SPEF2: variants seen among roughly 807,000 people sequenced by gnomAD.
SPEF2 encodes the protein sperm flagella and cilia-associated protein 2.
SPEF2 carries 187 observed loss-of-function variants against 224.6 expected under a neutral mutation model. The observed-to-expected ratio is 0.83, with a 90% CI of 0.74 to 0.94. The LOEUF (loss-of-function observed/expected upper bound fraction) is 0.94, where lower values mean the gene tolerates loss of function less well. SPEF2 is among the 40% of genes least tolerant of loss of function. The pLI, the probability that SPEF2 is intolerant of heterozygous loss-of-function variation, is 0.00. For missense variants in SPEF2, 2,170 were observed against 2,135.6 expected (o/e 1.02, Z -0.32); for synonymous variants, 715 against 707.3 (o/e 1.01, Z -0.17).
At chr5:35,742,364 C>T (rs1747784270) in intron 23 of SPEF2, among the ~76,000 whole-genome samples, 1 of 151,924 alleles carries the variant, frequency 6.6e-6, no homozygotes, top group Admixed American at 6.6e-5. Context: ...TAAGATTATG[C>T]TTATTTTTAA....
intron 34 of SPEF2, 140 bp from the exon 35 acceptor site, chr5:35,806,567 C>A: frequency 9.4e-7 from 1 of 1,064,686 alleles, no homozygotes; most frequent in Non-Finnish European, 1.3e-6. Flanking sequence ...GTGTATTCTC[C>A]TCTAGACTGG....
chr5:35,669,499 C>T (rs753094119), intron 9 of SPEF2, among the ~76,000 whole-genome samples: 18 of 152,000 alleles, frequency 1.2e-4, no homozygotes, highest in Non-Finnish European at 2.2e-4. Context: ...TTTATGTACG[C>T]AATTATTTTT....
At chr5:35,668,371 T>A (rs1750807506) in intron 9 of SPEF2, among the ~76,000 whole-genome samples, 1 of 152,190 alleles carries the variant, frequency 6.6e-6, no homozygotes, top group Admixed American at 6.6e-5. Context: ...AATCTCCAGA[T>A]ACTTAGGCTG....
chr5:35,764,771 C>G (rs772491669), intron 26 of SPEF2: 2 of 455,052 alleles, frequency 4.4e-6, no homozygotes, highest in Non-Finnish European at 8.8e-6. Context: ...TTTCTCTGAC[C>G]TTCTCATACA....
chr5:35,621,833 A>C (rs1237102435), intron 1 of SPEF2, among the ~76,000 whole-genome samples: 4 of 152,172 alleles, frequency 2.6e-5, no homozygotes, highest in Admixed American at 1.3e-4. Context: ...ACTTTTTCTG[A>C]TCTAGAGGTG....
chr5:35,739,894 G>C, intron 21 of SPEF2, 25 bp from the exon 22 acceptor site: 3 of 1,611,126 alleles, frequency 1.9e-6, no homozygotes, highest in East Asian at 2.2e-5. Context: ...TGAAGTAACA[G>C]TTTCTACACT....
chr5:35,638,307 A>G (rs1055497632), intron 2 of SPEF2, among the ~76,000 whole-genome samples: 2 of 151,834 alleles, frequency 1.3e-5, no homozygotes, highest in African/African-American at 2.4e-5. Context: ...AAGAAATTCA[A>G]GTGTTCCAGT....
intron 16 of SPEF2, 114 bp downstream of exon 16, chr5:35,700,866 C>G (rs1290562780): frequency 1.7e-6 from 2 of 1,181,526 alleles, no homozygotes; most frequent in African/African-American, 3.1e-5. Context: ...CCACTTCAGC[C>G]TATCAAATAA....
intron 26 of SPEF2, among the ~76,000 whole-genome samples, chr5:35,767,155 A>T (rs1752196102): frequency 6.6e-6 from 1 of 151,920 alleles, no homozygotes; most frequent in South Asian, 2.1e-4. Flanking sequence ...AGAGAGTTAT[A>T]ATAAGATCAT....
intron 24 of SPEF2, among the ~76,000 whole-genome samples, chr5:35,758,984 T>C (rs898895564): frequency 9.1e-6 from 1 of 109,586 alleles, no homozygotes; most frequent in Non-Finnish European, 1.7e-5. Flanking sequence ...CCAGCCTGGG[T>C]GATAGAGCAA....
At chr5:35,707,152 G>A (rs950676403) in intron 18 of SPEF2, among the ~76,000 whole-genome samples, 4 of 152,052 alleles carry the variant, frequency 2.6e-5, no homozygotes, top group East Asian at 1.9e-4. Context: ...TAAACTTTCC[G>A]ACTAAGTTAA....
intron 30 of SPEF2, chr5:35,789,506 A>G (rs1355891876): frequency 3.1e-6 from 2 of 651,082 alleles, no homozygotes; most frequent in East Asian, 2.7e-5. Flanking sequence ...GACTAGGGCC[A>G]AAAGAACGCA....
At position 35,696,790 on chromosome 5, in the gene SPEF2, A is replaced by G. The variant is rs7724870; in HGVS notation, c.2038-900A>G. Among the ~76,000 whole-genome samples, 1,368 of 152,296 alleles carry G rather than the reference A, an allele frequency of 9.0e-3. 17 individuals carry two copies. The highest frequency in any genetic ancestry group is 0.032 in the African/African-American group (1,331 of 41,564). On this transcript the variant is annotated intron_variant, in intron 14 of 36. Coordinates refer to ENST00000356031, the MANE Select transcript of SPEF2 (RefSeq NM_024867.4). ...GGAGCAGGAACACAGGCCAAGGGCA[A>G]CAAAAGAGGCACAGTTGGTCACCTT...
intron 23 of SPEF2, among the ~76,000 whole-genome samples, chr5:35,752,643 G>A (rs1749833079): frequency 0.015 from 1 of 66 alleles, no homozygotes; most frequent in African/African-American, 0.062. Flanking sequence ...TTATTTGACT[G>A]TATATGTTTC....
At chr5:35,636,501 G>C (rs1002663942) in intron 2 of SPEF2, among the ~76,000 whole-genome samples, 1 of 151,932 alleles carries the variant, frequency 6.6e-6, no homozygotes, top group African/African-American at 2.4e-5. Context: ...TTTTGGCCAG[G>C]CTCTTCTTTG....
intron 21 of SPEF2, among the ~76,000 whole-genome samples, chr5:35,728,388 T>C (rs1027073630): frequency 6.6e-6 from 1 of 152,198 alleles, no homozygotes; most frequent in Admixed American, 6.5e-5. Context: ...CTACTATTTT[T>C]AGTTGGCTTG....
At chr5:35,704,041 AT>A (rs1248048002) in intron 16 of SPEF2, among the ~76,000 whole-genome samples, 1 of 151,904 alleles carries the variant, frequency 6.6e-6, no homozygotes, top group Non-Finnish European at 1.5e-5. Flanking sequence ...AGCTGTTGAG[AT>A]TGGTTTTTTT....
intron 29 of SPEF2, among the ~76,000 whole-genome samples, chr5:35,776,816 C>G (rs1753670654): frequency 6.6e-6 from 1 of 152,222 alleles, no homozygotes; most frequent in Non-Finnish European, 1.5e-5. Context: ...GTTTTACCAG[C>G]TAGACTGATT....
At chr5:35,799,795 C>CT (rs936559187) in intron 33 of SPEF2, among the ~76,000 whole-genome samples, 173 bp from the exon 34 acceptor site, 3 of 152,092 alleles carry the variant, frequency 2.0e-5, no homozygotes, top group African/African-American at 7.2e-5. Context: ...ACTTTTACTG[C>CT]TTTTTTTCTT....
Sources: allele counts gnomAD v4.1 joint callset (sites outside exome capture counted in the v4.1 genomes callset), GRCh38; gene constraint gnomAD v4.1.1; transcripts MANE v1.5; gene names NCBI Gene and HGNC (gene_info 2026-07-23, HGNC 2026-07-21).